Variants in ACAD8 observed in about 807,000 individuals in gnomAD.
ACAD8 encodes isobutyryl-CoA dehydrogenase, mitochondrial.
In ACAD8, 47 loss-of-function variants were observed where a neutral mutation model predicts 53.1. The ratio of observed to expected loss-of-function variants is 0.89; its 90% CI spans 0.70 to 1.13. The LOEUF (loss-of-function observed/expected upper bound fraction) is 1.13. ACAD8 is among the 50% of genes most tolerant of loss of function. ACAD8 has a pLI of 0.00. For synonymous variants in ACAD8, 198 were observed against 201.3 expected (o/e 0.98, Z 0.14); for missense variants, 494 against 535.0 (o/e 0.92, Z 0.76).
Position 134,262,551 on chromosome 11 carries a change from G to A in ACAD8, c.1124G>A (p.Gly375Asp). The change falls in exon 10 of 11, where the codon GGC (glycine) becomes GAC (aspartate). Residue 375 changes from glycine to aspartate, a missense_variant. Transcript: ENST00000281182. ...ICNQALQMHG[G>D]YGYLKDYAVQ... is the part of the protein sequence containing the mutation. ...AACCAGGCCTTGCAGATGCACGGGG[G>A]CTACGGCTACCTGAAGGATTACGCT... is the stretch of plus-strand genomic sequence containing the variant. 1 of 1,614,072 alleles carries A rather than the reference G, an allele frequency of 6.2e-7. No homozygotes were observed.
At position 134,262,319 on chromosome 11, in the gene ACAD8, G is replaced by C. The variant is rs956106200; in HGVS notation, c.1093-201G>C. 4.0e-5 allele frequency: 27 copies of C among 669,680 alleles called. No individual in the cohort carries two copies. In the East Asian group the frequency reaches 5.4e-4, roughly 13 times the overall value. 41.5% of individuals were successfully genotyped at this position (669,680 alleles called of 1,614,324 possible). ...CAGAGGGCTTTGAGTCGCCTGTCTG[G>C]GGGGAACTGACAAGTTTAGTAGGTG... On this transcript the variant is annotated intron_variant, in intron 9 of 10. Coordinates refer to ENST00000281182, the MANE Select transcript of ACAD8 (RefSeq NM_014384.3).
At chr11:134,263,719 ACTCT>A (rs1034983149) in intron 10 of ACAD8, 8 of 985,100 alleles carry the variant, frequency 8.1e-6, no homozygotes, top group Admixed American at 6.2e-5. Flanking sequence ...CTTCATTCTA[ACTCT>A]CTCTCCACCC....
intron 1 of ACAD8, among the ~76,000 whole-genome samples, chr11:134,253,933 C>G (rs1428626978): frequency 6.6e-6 from 1 of 151,054 alleles, no homozygotes; most frequent in East Asian, 2.0e-4. Flanking sequence ...GCCCGTCACC[C>G]CTGCCCGGGT....
intron 3 of ACAD8, chr11:134,257,639 T>C (rs1236323600): frequency 1.2e-5 from 4 of 322,510 alleles, no homozygotes; most frequent in Non-Finnish European, 2.4e-5. Context: ...ACCACTGCAC[T>C]CCAGCCTGGG....
At chr11:134,255,525 A>G (rs985051841) in intron 1 of ACAD8, among the ~76,000 whole-genome samples, 1 of 152,236 alleles carries the variant, frequency 6.6e-6, no homozygotes, top group Non-Finnish European at 1.5e-5. Flanking sequence ...GCCATGGTCT[A>G]CAGTAACAGC....
At chr11:134,263,985 A>G (rs948512401) in intron 10 of ACAD8, 2 of 985,256 alleles carry the variant, frequency 2.0e-6, no homozygotes, top group Admixed American at 1.2e-4. Flanking sequence ...AAATGTTTTC[A>G]TTCTTTTGTA....
At chr11:134,254,520 C>T (rs1193342014) in intron 1 of ACAD8, among the ~76,000 whole-genome samples, 2 of 152,164 alleles carry the variant, frequency 1.3e-5, no homozygotes, top group African/African-American at 2.4e-5. Flanking sequence ...AAATAAATGG[C>T]AGTTTTCTTT....
Position 134,261,463 on chromosome 11 carries a change from A to G in ACAD8, c.939+91A>G, listed in dbSNP as rs990673224. The G allele has an allele frequency of 5.8e-6, 9 of 1,542,856 alleles. No individual in the cohort carries two copies. The highest frequency in any genetic ancestry group is 8.0e-6 in the Non-Finnish European group (9 of 1,119,602). On this transcript the variant is annotated intron_variant, in intron 8 of 10. Transcript: ENST00000281182. The surrounding 1 kb of genome is among the most constrained non-coding windows in gnomAD (Gnocchi z 4.2). ...ACATTTCCAGGAGAGAAGCCAGGAA[A>G]TTCCTCTGTCAGTCCCACCACTGTC...
At chr11:134,253,942 GTCC>G (rs1245819387) in intron 1 of ACAD8, among the ~76,000 whole-genome samples, 3 of 145,392 alleles carry the variant, frequency 2.1e-5, no homozygotes, top group Non-Finnish European at 3.1e-5. Flanking sequence ...CCCTGCCCGG[GTCC>G]TCCTCCGGCC....
intron 1 of ACAD8, among the ~76,000 whole-genome samples, 155 bp downstream of exon 1, chr11:134,253,864 G>T (rs942063958): frequency 6.7e-6 from 1 of 150,238 alleles, no homozygotes; most frequent in Non-Finnish European, 1.5e-5. Flanking sequence ...TACTCCGGCC[G>T]GTCACCCCCG....
chr11:134,264,127 G>A (rs1056411777), intron 10 of ACAD8: 7 of 870,544 alleles, frequency 8.0e-6, no homozygotes, highest in East Asian at 2.4e-4. Context: ...GGTGGATCGC[G>A]TGAGGCCAGG....
chr11:134,258,935 A>G (rs771858704), intron 4 of ACAD8, 73 bp from the exon 5 acceptor site: 3 of 1,262,998 alleles, frequency 2.4e-6, no homozygotes, highest in Non-Finnish European at 3.5e-6. Flanking sequence ...CCTAGAAGAT[A>G]GAATTGTGCT....
rs1335335796 is a variant in ACAD8 at position 134,257,264 on chromosome 11, G to A, written c.380+7G>A. The A allele has an allele frequency of 1.9e-6, 3 of 1,613,972 alleles. 1 individual carries two copies. Among genetic ancestry groups the A allele is most frequent in the Admixed American group, 3.3e-5 (2 of 60,004 alleles). On this transcript the variant is annotated splice_region_variant and intron_variant, in intron 3 of 10. Coordinates refer to ENST00000281182, the MANE Select transcript of ACAD8 (RefSeq NM_014384.3). ...CCTATATAAGCATCCACAAGTGAGT[G>A]CCCAAGCTTGGAAGGCACAATGAAG... is the stretch of plus-strand genomic sequence containing the variant.
chr11:134,253,776 G>C, intron 1 of ACAD8, 67 bp downstream of exon 1: 2 of 1,447,840 alleles, frequency 1.4e-6, no homozygotes, highest in South Asian at 1.2e-5. Flanking sequence ...TCCGCGAGGG[G>C]CTGCAGTCTC....
rs200620279 is a variant in ACAD8, at chr11:134,261,756, G to A, written c.958G>A (p.Ala320Thr). The change falls in exon 9 of 11, where the codon GCT (alanine) becomes ACT (threonine). Residue 320 changes from alanine (A) to threonine (T), a missense_variant. By Grantham distance (58) the Ala-to-Thr change is moderately conservative. Transcript: ENST00000281182. The surrounding 1 kb of genome is among the most constrained non-coding windows in gnomAD (Gnocchi z 4.2). ...ASNQYLQFTL[A>T]DMATRLVAAR... ...GCTGCAGTACTTGCAATTCACACTGGCTGATATGGCAACAAGGCTGGTGGC... is the reference window on the plus strand; with the variant it reads ...GCTGCAGTACTTGCAATTCACACTGACTGATATGGCAACAAGGCTGGTGGC... The A allele has an allele frequency of 2.4e-4, 381 of 1,613,956 alleles. 1 individual carries two copies. Among genetic ancestry groups the A allele is most frequent in the Middle Eastern group, 8.2e-4 (5 of 6,062 alleles).
At chr11:134,263,571 T>G (rs775643599) in intron 10 of ACAD8, 16 of 985,374 alleles carry the variant, frequency 1.6e-5, no homozygotes, top group Non-Finnish European at 1.7e-5. Context: ...ACCGCTGCTT[T>G]CTTCTGCAAA....
At chr11:134,262,215 G>C in intron 9 of ACAD8, 1 of 648,984 alleles carries the variant, frequency 1.5e-6, no homozygotes, top group Non-Finnish European at 2.8e-6. Context: ...ATTGCCACTA[G>C]GGGGAACCAT....
In ACAD8 at chr11:134,265,726, T is replaced by TA. The variant is rs1463541246; in HGVS notation, c.*770dup. The TA allele has an allele frequency of 2.6e-5, 4 of 152,270 alleles. No individual in the cohort carries two copies. Among genetic ancestry groups the TA allele is most frequent in the Non-Finnish European group, 5.9e-5 (4 of 68,054 alleles). 9.4% of individuals were successfully genotyped at this position (152,270 alleles called of 1,614,324 possible). ...TTTTAAATATTTTTAATCACATTGATAAAATCTATCCTTCACCACCTCTGG... is the reference window on the plus strand; with the variant it reads ...TTTTAAATATTTTTAATCACATTGATAAAAATCTATCCTTCACCACCTCTGG... On this transcript the variant is annotated 3_prime_UTR_variant, in exon 11 of 11. Transcript: ENST00000281182.
rs1206554938 is a variant in ACAD8, at chr11:134,261,518, C to G, written c.939+146C>G. On this transcript the variant is annotated intron_variant, in intron 8 of 10. Coordinates refer to ENST00000281182, the MANE Select transcript of ACAD8 (RefSeq NM_014384.3). This position sits in a 1 kb window ranked among gnomAD's most constrained non-coding sequence, Gnocchi z 4.2. ...CCAGAGCTTGTGCTTTATTTCTGTC[C>G]ATCTTTTCTTGGGATATCTTTAACG... 9 of 1,504,058 alleles carry G rather than the reference C, an allele frequency of 6.0e-6. No homozygotes were observed. In the East Asian group the frequency reaches 2.2e-4, roughly 36 times the overall value. The allele number at this position is 1,504,058 out of a possible 1,614,324, so 93.2% of individuals were successfully genotyped here.
Sources: gnomAD v4.1 joint callset for allele counts (sites outside exome capture counted in the v4.1 genomes callset) on GRCh38, gnomAD v4.1.1 for gene constraint, Gnocchi (gnomAD v3.1) non-coding constraint, MANE v1.5 for transcripts, NCBI Gene and HGNC (gene_info 2026-07-23, HGNC 2026-07-21) for gene names.